TSHR: variants seen among roughly 807,000 people sequenced by gnomAD.
TSHR encodes the protein thyrotropin receptor.
A neutral mutation model predicts 64.1 loss-of-function variants in TSHR; 51 were observed. The observed-to-expected ratio is 0.80, with a 90% confidence interval of 0.64 to 1.01. The LOEUF is 1.01. Ranked by LOEUF, TSHR falls within the 50% of genes least tolerant of loss-of-function variation. The pLI is 0.00. For synonymous variants in TSHR, 361 were observed against 361.9 expected, an observed-to-expected ratio of 1.00 and a Z score of 0.03; for missense variants, 877 against 942.8, an observed-to-expected ratio of 0.93 and a Z score of 0.91.
chr14:81,131,720 G>T (rs1891257706), intron 8 of TSHR, among the ~76,000 whole-genome samples: 1 of 152,082 alleles, frequency 6.6e-6, no homozygotes, highest in Non-Finnish European at 1.5e-5. Flanking sequence ...TCCTCAATGA[G>T]GCCTTCCCTG....
chr14:80,989,601 C>A (rs1450718435), intron 1 of TSHR, among the ~76,000 whole-genome samples: 1 of 152,092 alleles, frequency 6.6e-6, no homozygotes, highest in Non-Finnish European at 1.5e-5. Flanking sequence ...TATCAAAATC[C>A]TACAAATCCT....
At chr14:81,018,426 C>A (rs1477522905) in intron 1 of TSHR, among the ~76,000 whole-genome samples, 1 of 152,122 alleles carries the variant, frequency 6.6e-6, no homozygotes, top group East Asian at 1.9e-4. Flanking sequence ...GTAGAGCAAC[C>A]ACACACAGCG....
intron 8 of TSHR, chr14:81,108,991 A>C: frequency 7.9e-7 from 1 of 1,267,390 alleles, no homozygotes. Context: ...CCCACATCCA[A>C]TCAGTGATCA....
At chr14:81,028,048 T>C (rs1884160393) in intron 1 of TSHR, among the ~76,000 whole-genome samples, 1 of 152,096 alleles carries the variant, frequency 6.6e-6, no homozygotes, top group Non-Finnish European at 1.5e-5. Context: ...TCTAAAAGCA[T>C]CATTCATAGT....
intron 1 of TSHR, among the ~76,000 whole-genome samples, chr14:80,956,743 A>T (rs910563141): frequency 1.3e-5 from 2 of 152,156 alleles, no homozygotes; most frequent in South Asian, 2.1e-4. Context: ...GGAAAGTTGC[A>T]CCTCTAGATT....
chr14:81,048,906 C>A lies in TSHR; in HGVS notation c.171-13242C>A, dbSNP rs560496498. 3.3e-5 allele frequency among the ~76,000 whole-genome samples: 5 copies of A among 152,144 alleles called. No homozygotes were observed. In the South Asian group the frequency reaches 1.0e-3, roughly 32 times the overall value. On this transcript the variant is annotated intron_variant, in intron 1 of 9. Coordinates refer to ENST00000298171, the MANE Select transcript of TSHR (RefSeq NM_000369.5). ...CTTTCTTAAATGTATATATAGTTCA[C>A]ATTTATTTCAATGTTTAATAGTATA...
intron 8 of TSHR, among the ~76,000 whole-genome samples, chr14:81,138,890 G>C (rs1891565822): frequency 6.6e-6 from 1 of 152,100 alleles, no homozygotes; most frequent in South Asian, 2.1e-4. Flanking sequence ...AAAAATGATG[G>C]AGCAAGACAT....
intron 1 of TSHR, among the ~76,000 whole-genome samples, chr14:80,966,017 T>C (rs1393686096): frequency 6.6e-6 from 1 of 152,202 alleles, no homozygotes; most frequent in African/African-American, 2.4e-5. Flanking sequence ...TATGTCCAAA[T>C]TTTTCTTTCA....
At chr14:81,097,720 T>A (rs999175132) in intron 7 of TSHR, among the ~76,000 whole-genome samples, 7 of 152,098 alleles carry the variant, frequency 4.6e-5, no homozygotes, top group African/African-American at 1.7e-4. Context: ...AACAATTCCA[T>A]TTTTAAATGG....
intron 7 of TSHR, among the ~76,000 whole-genome samples, chr14:81,097,553 G>T (rs1276638560): frequency 6.6e-6 from 1 of 152,164 alleles, no homozygotes; most frequent in East Asian, 1.9e-4. Flanking sequence ...CCCAGGTGAT[G>T]CCGACACTGC....
chr14:80,990,054 TA>T (rs1277089814), intron 1 of TSHR, among the ~76,000 whole-genome samples: 6 of 152,232 alleles, frequency 3.9e-5, no homozygotes, highest in African/African-American at 1.4e-4. Flanking sequence ...ACCTTTCATA[TA>T]GTAGGTTCAC....
At chr14:81,008,175 CTTTT>C (rs34516600) in intron 1 of TSHR, among the ~76,000 whole-genome samples, 2 of 128,688 alleles carry the variant, frequency 1.6e-5, no homozygotes, top group African/African-American at 2.8e-5. Context: ...TTCTTTCTTT[CTTTT>C]TTTTTTTTTT....
intron 7 of TSHR, chr14:81,105,154 G>A (rs940905189): frequency 1.0e-6 from 1 of 985,236 alleles, no homozygotes; most frequent in African/African-American, 1.7e-5. Flanking sequence ...ATTTGTGACT[G>A]ATTTATCCAA....
intron 8 of TSHR, among the ~76,000 whole-genome samples, chr14:81,128,241 C>G (rs1359224422): frequency 1.3e-5 from 2 of 152,150 alleles, no homozygotes; most frequent in Non-Finnish European, 2.9e-5. Context: ...GGGTTCTTTA[C>G]AGATAGTCTA....
chr14:81,071,470 T>G (rs1255917544), intron 3 of TSHR, among the ~76,000 whole-genome samples: 1 of 152,196 alleles, frequency 6.6e-6, no homozygotes, highest in African/African-American at 2.4e-5. Context: ...TGTAAAATTT[T>G]TTTACCGTCA....
chr14:81,053,254 A>G (rs1216190010), intron 1 of TSHR: 1 of 152,174 alleles, frequency 6.6e-6, no homozygotes, highest in Non-Finnish European at 1.5e-5. Context: ...TGAGCCTTCA[A>G]TTGATTGGAT....
Position 81,009,218 on chromosome 14 carries a change from C to T in TSHR, c.171-52930C>T, listed in dbSNP as rs559972898. On this transcript the variant is annotated intron_variant, in intron 1 of 9. Coordinates refer to ENST00000298171, the MANE Select transcript of TSHR (RefSeq NM_000369.5). ...GTGGAAAAGGAAACAAATGATTTGT[C>T]CTATGTATGAGAAGATCTTTTAAAA... Among the ~76,000 whole-genome samples, 9 of 152,162 alleles carry T rather than the reference C, an allele frequency of 5.9e-5. 1 individual carries two copies. Among genetic ancestry groups the T allele is most frequent in the African/African-American group, 1.9e-4 (8 of 41,522 alleles).
At chr14:81,081,616 A>G (rs1451387779) in intron 3 of TSHR, among the ~76,000 whole-genome samples, 1 of 152,250 alleles carries the variant, frequency 6.6e-6, no homozygotes, top group African/African-American at 2.4e-5. Flanking sequence ...CTTGATGTCA[A>G]GATACATCAG....
chr14:81,030,426 C>A (rs1423688055), intron 1 of TSHR, among the ~76,000 whole-genome samples: 1 of 152,042 alleles, frequency 6.6e-6, no homozygotes, highest in African/African-American at 2.4e-5. Flanking sequence ...CTTTAAAAAT[C>A]TGAAGTTTGG....
Sources: allele counts gnomAD v4.1 joint callset (sites outside exome capture counted in the v4.1 genomes callset), GRCh38; gene constraint gnomAD v4.1.1; transcripts MANE v1.5; gene names NCBI Gene and HGNC (gene_info 2026-07-23, HGNC 2026-07-21).